SPINT2: variants seen among roughly 807,000 people sequenced by gnomAD.
SPINT2 encodes the protein kunitz-type protease inhibitor 2.
A neutral mutation model predicts 30.1 loss-of-function variants in SPINT2; 18 were observed. That is an observed-to-expected ratio of 0.60 (90% CI 0.41 to 0.89). SPINT2 has a LOEUF of 0.89. Among genes scored for constraint, SPINT2 ranks in the 40% least tolerant of loss-of-function variants. The pLI, the probability that SPINT2 is intolerant of heterozygous loss-of-function variation, is 0.00. For missense variants in SPINT2, 276 were observed against 334.3 expected, an observed-to-expected ratio of 0.83 and a Z score of 1.36; for synonymous variants, 139 against 137.9, an observed-to-expected ratio of 1.01 and a Z score of -0.05.
In SPINT2 at chr19:38,283,789, C is replaced by G. The variant is rs1968608073; in HGVS notation, c.269C>G (p.Thr90Ser). 2 of 1,608,790 alleles carry G rather than the reference C, an allele frequency of 1.2e-6. No homozygotes were observed. The highest frequency in any genetic ancestry group is 1.4e-5 in the African/African-American group (1 of 74,072). Residue 90 changes from threonine (T) to serine (S), a missense_variant, in exon 2 of 7, where the codon ACT (threonine) becomes AGT (serine). Transcript: ENST00000301244. Reference sequence around the variant, plus strand: ...GAGGAGTGCCTCAAGAAATGTGCCACTGTCACAGGTGAGATGGCAGTAGTT... The same window carrying G: ...GAGGAGTGCCTCAAGAAATGTGCCAGTGTCACAGGTGAGATGGCAGTAGTT... ...TKEECLKKCA[T>S]VTENATGDLA...
chr19:38,271,275 A>C (rs985180800), intron 1 of SPINT2, among the ~76,000 whole-genome samples: 1 of 151,780 alleles, frequency 6.6e-6, no homozygotes, highest in Non-Finnish European at 1.5e-5. Context: ...GCGGGTCACG[A>C]GATCAGGAGA....
At chr19:38,291,743 G>C in intron 6 of SPINT2, 97 bp from the exon 7 acceptor site, 2 of 1,479,514 alleles carry the variant, frequency 1.4e-6, no homozygotes, top group South Asian at 2.6e-5. Flanking sequence ...TGGTCCTCAG[G>C]CTGAGCCCAC....
rs182449727 is a variant in SPINT2 at position 38,287,928 on chromosome 19, C to G, written c.330C>G (p.Val110=). The change falls in exon 3 of 7, where the codon GTC becomes GTG. Residue 110 remains valine, a synonymous_variant. Coordinates refer to ENST00000301244, the MANE Select transcript of SPINT2 (RefSeq NM_021102.4). ...ATSRNAADSS[V]PSAPRRQDSE... ...GCAGGAATGCAGCGGATTCCTCTGT[C>G]CCAAGTGGTAGGTTCTTAAAGAGAC... The G allele has an allele frequency of 2.8e-5, 45 of 1,614,186 alleles. No homozygotes were observed. Among genetic ancestry groups the G allele is most frequent in the Non-Finnish European group, 3.6e-5 (43 of 1,180,008 alleles).
chr19:38,278,074 C>T (rs1968540103), intron 1 of SPINT2, among the ~76,000 whole-genome samples: 1 of 152,146 alleles, frequency 6.6e-6, no homozygotes, highest in Admixed American at 6.5e-5. Flanking sequence ...AATAGAATTC[C>T]TCATTAAGGA....
rs533248837 is a variant in SPINT2 at position 38,276,576 on chromosome 19, A to G, written c.107-7051A>G. 2.9e-4 allele frequency among the ~76,000 whole-genome samples: 44 copies of G among 151,990 alleles called. No homozygotes were observed. In the East Asian group the frequency reaches 8.1e-3, roughly 28 times the overall value. On this transcript the variant is annotated intron_variant, in intron 1 of 6. Transcript: ENST00000301244. The stretch of plus-strand genomic sequence containing the variant: ...GGAATGGCGTGAACCCAGGAGGCGG[A>G]GCTTTCAGTGAGCCAAGATCGCACC...
intron 1 of SPINT2, among the ~76,000 whole-genome samples, chr19:38,274,155 G>A (rs902299681): frequency 6.6e-6 from 1 of 152,004 alleles, no homozygotes; most frequent in Non-Finnish European, 1.5e-5. Flanking sequence ...ACTGAGCACA[G>A]GTCAAGGCTA....
At chr19:38,274,335 G>C (rs2146268881) in intron 1 of SPINT2, among the ~76,000 whole-genome samples, 1 of 151,858 alleles carries the variant, frequency 6.6e-6, no homozygotes, top group Middle Eastern at 3.4e-3. Flanking sequence ...TTTTGAGATG[G>C]AGTTCTTTGA....
At chr19:38,288,291 G>A in intron 3 of SPINT2, 1 of 398,916 alleles carries the variant, frequency 2.5e-6, no homozygotes, top group Non-Finnish European at 4.8e-6. Flanking sequence ...CCTCCTGTCT[G>A]CCTGTTCTGT....
chr19:38,270,916 G>A (rs1305277089), intron 1 of SPINT2, among the ~76,000 whole-genome samples: 1 of 152,188 alleles, frequency 6.6e-6, no homozygotes, highest in African/African-American at 2.4e-5. Flanking sequence ...GCCCCAGGAG[G>A]CCTTGGCCCA....
chr19:38,284,529 C>T (rs998831597), intron 2 of SPINT2, among the ~76,000 whole-genome samples: 14 of 152,104 alleles, frequency 9.2e-5, no homozygotes, highest in Admixed American at 3.3e-4. Flanking sequence ...TCCTGGTGGC[C>T]GTACAGTGGT....
intron 1 of SPINT2, among the ~76,000 whole-genome samples, chr19:38,269,941 G>C (rs1358657743): frequency 6.6e-6 from 1 of 152,226 alleles, no homozygotes; most frequent in Admixed American, 6.5e-5. Context: ...GGCCAGGCTG[G>C]TCTCGAACTC....
At chr19:38,274,000 G>T (rs547626872) in intron 1 of SPINT2, among the ~76,000 whole-genome samples, 1 of 152,264 alleles carries the variant, frequency 6.6e-6, no homozygotes, top group Admixed American at 6.5e-5. Context: ...GGAGGCCGAG[G>T]CGGGTGGATC....
chr19:38,278,296 G>A (rs1968542576), intron 1 of SPINT2, among the ~76,000 whole-genome samples: 1 of 152,174 alleles, frequency 6.6e-6, no homozygotes, highest in South Asian at 2.1e-4. Context: ...GCTGCCTGTT[G>A]ATGCAGTGGC....
chr19:38,282,407 G>T (rs1480113682), intron 1 of SPINT2, among the ~76,000 whole-genome samples: 1 of 152,180 alleles, frequency 6.6e-6, no homozygotes, highest in East Asian at 1.9e-4. Context: ...GAAGGCCAGG[G>T]TTAGGGAGGG....
At chr19:38,267,450 G>T (rs1287562881) in intron 1 of SPINT2, among the ~76,000 whole-genome samples, 2 of 152,128 alleles carry the variant, frequency 1.3e-5, no homozygotes, top group Admixed American at 1.3e-4. Context: ...GGTTGGTCAA[G>T]GAATTTATTC....
chr19:38,286,369 G>A (rs560138768), intron 2 of SPINT2, among the ~76,000 whole-genome samples: 33 of 152,342 alleles, frequency 2.2e-4, no homozygotes, highest in African/African-American at 5.5e-4. Context: ...GGCAGAACGC[G>A]GGGAGCTGGT....
intron 1 of SPINT2, 70 bp downstream of exon 1, chr19:38,265,068 A>C: frequency 6.1e-6 from 7 of 1,139,080 alleles, no homozygotes; most frequent in Non-Finnish European, 8.2e-6. Context: ...CGGGGGTCTG[A>C]GCAGGGAGAA....
At chr19:38,274,767 A>G (rs1484490376) in intron 1 of SPINT2, among the ~76,000 whole-genome samples, 1 of 151,736 alleles carries the variant, frequency 6.6e-6, no homozygotes, top group East Asian at 1.9e-4. Context: ...GTGAGCCTAG[A>G]TCGCACTATT....
chr19:38,268,285 A>C (rs1167576875), intron 1 of SPINT2, among the ~76,000 whole-genome samples: 1 of 152,062 alleles, frequency 6.6e-6, no homozygotes, highest in Non-Finnish European at 1.5e-5. Flanking sequence ...AGGTGGGGGG[A>C]AAGCTGAGCT....
Sources: allele counts gnomAD v4.1 joint callset (sites outside exome capture counted in the v4.1 genomes callset), GRCh38; gene constraint gnomAD v4.1.1; transcripts MANE v1.5; gene names NCBI Gene and HGNC (gene_info 2026-07-23, HGNC 2026-07-21).